Variants in PLEKHM3 observed in about 807,000 individuals in gnomAD.
PLEKHM3 encodes pleckstrin homology domain-containing family M member 3.
In PLEKHM3, 45 loss-of-function variants were observed where a neutral mutation model predicts 81.8. The observed-to-expected ratio is 0.55, with a 90% CI of 0.43 to 0.71. The LOEUF (loss-of-function observed/expected upper bound fraction) is 0.71, where lower values mean the gene tolerates loss of function less well. Ranked by LOEUF, PLEKHM3 falls within the 30% of genes least tolerant of loss-of-function variation. The pLI is 0.00. For synonymous variants in PLEKHM3, 352 were observed against 356.4 expected, an observed-to-expected ratio of 0.99 and a Z score of 0.14; for missense variants, 788 against 924.3, an observed-to-expected ratio of 0.85 and a Z score of 1.91.
At chr2:207,881,184 T>G (rs2092589716) in intron 6 of PLEKHM3, among the ~76,000 whole-genome samples, 1 of 152,148 alleles carries the variant, frequency 6.6e-6, no homozygotes, top group Non-Finnish European at 1.5e-5. Flanking sequence ...TTAAACTAAT[T>G]ATGGCAATGG....
In PLEKHM3 at chr2:207,828,190, A is replaced by ATATATC. The variant is rs2092263489; in HGVS notation, c.*123_*128dup. The ATATATC allele has an allele frequency of 7.0e-6, 5 of 713,000 alleles. No individual in the cohort carries two copies. Among genetic ancestry groups the ATATATC allele is most frequent in the Non-Finnish European group, 1.1e-5 (5 of 453,706 alleles). The allele number at this position is 713,000 out of a possible 1,614,324, so 44.2% of individuals were successfully genotyped here. Reference sequence around the variant, plus strand: ...TATTTGCGTATATATAAATAAATATATATATCTATATCTAGTTGAAGAGGA... The same window carrying ATATATC: ...TATTTGCGTATATATAAATAAATATATATATCTATATCTATATCTAGTTGAAGAGGA... On this transcript the variant is annotated 3_prime_UTR_variant, in exon 8 of 8. Coordinates refer to ENST00000427836, the MANE Select transcript of PLEKHM3 (RefSeq NM_001080475.3).
rs938479749 is a variant in PLEKHM3 at position 207,882,332 on chromosome 2, C to T, written c.1951-21070G>A. The stretch of plus-strand genomic sequence containing the variant: ...AACAGTTATAAAAGGCCTGGGTTGG[C>T]CGGATGCGGTGGCTGACGCCTGTAA... On this transcript the variant is annotated intron_variant, in intron 6 of 7. Transcript: ENST00000427836. Among the ~76,000 whole-genome samples the T allele has an allele frequency of 1.3e-4, 20 of 152,208 alleles. No homozygotes were observed. In the East Asian group the frequency reaches 3.9e-3, roughly 29 times the overall value.
chr2:207,891,136 A>T (rs1353835621), intron 6 of PLEKHM3, among the ~76,000 whole-genome samples: 2 of 152,212 alleles, frequency 1.3e-5, no homozygotes, highest in African/African-American at 4.8e-5. Context: ...AACATTTCAG[A>T]TAGTTTCTAA....
chr2:208,012,002 T>C (rs890355807), intron 1 of PLEKHM3, among the ~76,000 whole-genome samples: 1 of 151,600 alleles, frequency 6.6e-6, no homozygotes, highest in Non-Finnish European at 1.5e-5. Context: ...TTCATCATAT[T>C]GGCCAGGCTG....
At chr2:207,884,520 A>G (rs1687823839) in intron 6 of PLEKHM3, among the ~76,000 whole-genome samples, 1 of 152,218 alleles carries the variant, frequency 6.6e-6, no homozygotes, top group Admixed American at 6.5e-5. Flanking sequence ...AACTATATCC[A>G]TGTATATTGC....
At chr2:207,962,257 T>C (rs1044497883) in intron 3 of PLEKHM3, among the ~76,000 whole-genome samples, 14 of 152,134 alleles carry the variant, frequency 9.2e-5, no homozygotes, top group African/African-American at 2.9e-4. Context: ...GCATGGCCAA[T>C]GATTCAATCC....
intron 3 of PLEKHM3, among the ~76,000 whole-genome samples, chr2:207,964,853 G>A (rs982424761): frequency 1.3e-4 from 20 of 152,266 alleles, no homozygotes; most frequent in Admixed American, 3.9e-4. Context: ...TTATCCTACT[G>A]CAAAATTAAC....
intron 1 of PLEKHM3, among the ~76,000 whole-genome samples, chr2:208,005,993 G>A (rs1692482056): frequency 6.6e-6 from 1 of 151,964 alleles, no homozygotes; most frequent in South Asian, 2.1e-4. Context: ...CTTCCTAGTC[G>A]GTCAGGCTCT....
At chr2:208,002,607 A>G (rs1050405889) in intron 1 of PLEKHM3, among the ~76,000 whole-genome samples, 5 of 152,144 alleles carry the variant, frequency 3.3e-5, no homozygotes, top group African/African-American at 1.2e-4. Context: ...CTAAGAGCTT[A>G]AGGTGAAGTC....
intron 4 of PLEKHM3, among the ~76,000 whole-genome samples, chr2:207,943,862 C>T (rs1456374148): frequency 1.3e-4 from 14 of 105,802 alleles, no homozygotes; most frequent in Non-Finnish European, 2.0e-4. Context: ...AGCGAGACTC[C>T]GTCTCAAAAA....
chr2:207,892,748 C>G (rs935155059), intron 6 of PLEKHM3, among the ~76,000 whole-genome samples: 1 of 152,160 alleles, frequency 6.6e-6, no homozygotes, highest in Non-Finnish European at 1.5e-5. Flanking sequence ...AACCCAGAAG[C>G]AAGAAACTAG....
chr2:207,913,733 T>C (rs1428959971), intron 5 of PLEKHM3, among the ~76,000 whole-genome samples: 1 of 152,102 alleles, frequency 6.6e-6, no homozygotes, highest in Non-Finnish European at 1.5e-5. Flanking sequence ...ATTTTTTTTT[T>C]TCTAAAAACA....
chr2:207,998,520 T>C (rs1241673462), intron 2 of PLEKHM3, among the ~76,000 whole-genome samples: 1 of 152,034 alleles, frequency 6.6e-6, no homozygotes, highest in Non-Finnish European at 1.5e-5. Flanking sequence ...TGGAAAAAAA[T>C]TTAAAAATAA....
At chr2:208,015,896 A>G (rs1692892582) in intron 1 of PLEKHM3, among the ~76,000 whole-genome samples, 1 of 152,248 alleles carries the variant, frequency 6.6e-6, no homozygotes, top group African/African-American at 2.4e-5. Flanking sequence ...ATTAAGGCAT[A>G]TTGAAATAAA....
At chr2:207,873,541 A>T (rs2092545606) in intron 6 of PLEKHM3, among the ~76,000 whole-genome samples, 1 of 152,254 alleles carries the variant, frequency 6.6e-6, no homozygotes, top group African/African-American at 2.4e-5. Flanking sequence ...GGAGCTAGAT[A>T]AAAGGTGAGT....
chr2:207,905,902 G>C (rs1004900855), intron 6 of PLEKHM3, among the ~76,000 whole-genome samples: 1 of 152,074 alleles, frequency 6.6e-6, no homozygotes, highest in African/African-American at 2.4e-5. Flanking sequence ...AAGCTGCTTG[G>C]CATGTATGGT....
chr2:207,921,172 T>C (rs2718658), intron 5 of PLEKHM3, among the ~76,000 whole-genome samples: 48,896 of 151,910 alleles, frequency 0.32, 8,072 homozygotes, highest in Middle Eastern at 0.39. Context: ...CCTCAGCCTC[T>C]TGAGTAGCTG....
At chr2:207,934,824 C>T (rs1386418619) in intron 4 of PLEKHM3, among the ~76,000 whole-genome samples, 5 of 152,204 alleles carry the variant, frequency 3.3e-5, no homozygotes, top group African/African-American at 7.2e-5. Flanking sequence ...GAACATAATA[C>T]GACTTTTGTT....
intron 6 of PLEKHM3, among the ~76,000 whole-genome samples, chr2:207,902,215 A>T (rs1200089364): frequency 6.6e-6 from 1 of 152,188 alleles, no homozygotes; most frequent in African/African-American, 2.4e-5. Flanking sequence ...GTGAAAGGGC[A>T]GCTGTGCTGG....
Sources: gnomAD v4.1 joint callset for allele counts (sites outside exome capture counted in the v4.1 genomes callset) on GRCh38, gnomAD v4.1.1 for gene constraint, MANE v1.5 for transcripts, NCBI Gene and HGNC (gene_info 2026-07-23, HGNC 2026-07-21) for gene names.